Variants in RBFOX1 observed in about 807,000 individuals in gnomAD.
RBFOX1 encodes RNA binding fox-1 homolog 1.
In RBFOX1, 8 loss-of-function variants were observed where a neutral mutation model predicts 57.7. The ratio of observed to expected loss-of-function variants is 0.14; its 90% CI spans 0.08 to 0.25. RBFOX1 has a LOEUF of 0.25. Among genes scored for constraint, RBFOX1 ranks in the 10% least tolerant of loss-of-function variants. The pLI is 1.00. For missense variants in RBFOX1, 611 were observed against 548.5 expected (o/e 1.11, Z -1.14); for synonymous variants, 326 against 222.4 (o/e 1.47, Z -4.15).
intron 4 of RBFOX1, among the ~76,000 whole-genome samples, chr16:7,163,029 T>A (rs1284294390): frequency 6.6e-6 from 1 of 152,230 alleles, no homozygotes; most frequent in African/African-American, 2.4e-5. Flanking sequence ...CTTTGTATGA[T>A]GTCTAAGGTC....
At chr16:7,691,717 C>A (rs911807826) in intron 14 of RBFOX1, among the ~76,000 whole-genome samples, 1 of 152,110 alleles carries the variant, frequency 6.6e-6, no homozygotes, top group African/African-American at 2.4e-5. Context: ...ATGTCTAGCA[C>A]ATTGGACAGT....
At chr16:6,555,715 AAAAC>A (rs562905551) in intron 2 of RBFOX1, among the ~76,000 whole-genome samples, 28 of 152,136 alleles carry the variant, frequency 1.8e-4, no homozygotes, top group Admixed American at 5.9e-4. Context: ...AAAACAAAAC[AAAAC>A]AAACAAACAA....
At chr16:6,713,554 C>G (rs570596435) in intron 3 of RBFOX1, among the ~76,000 whole-genome samples, 1 of 152,054 alleles carries the variant, frequency 6.6e-6, no homozygotes, top group South Asian at 2.1e-4. Flanking sequence ...CCAGTTGAGA[C>G]AACCACAAAT....
chr16:5,488,676 G>C (rs2042727522), intron 2 of RBFOX1, among the ~76,000 whole-genome samples: 1 of 150,504 alleles, frequency 6.6e-6, no homozygotes, highest in Admixed American at 6.6e-5. Context: ...GATGGTGATG[G>C]AAGGTGACGG....
At chr16:6,492,383 C>G (rs1411656384) in intron 2 of RBFOX1, among the ~76,000 whole-genome samples, 3 of 152,130 alleles carry the variant, frequency 2.0e-5, no homozygotes, top group East Asian at 1.9e-4. Flanking sequence ...GCCTGGCCAA[C>G]ATAGTGGAAC....
At position 6,925,956 on chromosome 16, in the gene RBFOX1, G is replaced by A. The variant is rs543235539; in HGVS notation, c.-15-126101G>A. ...TTTATTTTAGTAACCTAAACTCATCGTTAAGTCTGTAGTCCTGGAAACCAT... is the reference window on the plus strand; with the variant it reads ...TTTATTTTAGTAACCTAAACTCATCATTAAGTCTGTAGTCCTGGAAACCAT... On this transcript the variant is annotated intron_variant, in intron 3 of 15. Coordinates refer to ENST00000550418, the MANE Select transcript of RBFOX1 (RefSeq NM_018723.4). 3.3e-5 allele frequency among the ~76,000 whole-genome samples: 5 copies of A among 151,620 alleles called. No homozygotes were observed. In the East Asian group the frequency reaches 5.8e-4, roughly 18 times the overall value.
At chr16:7,377,611 T>G (rs1403710930) in intron 4 of RBFOX1, among the ~76,000 whole-genome samples, 6 of 152,244 alleles carry the variant, frequency 3.9e-5, no homozygotes, top group Non-Finnish European at 8.8e-5. Flanking sequence ...TTTATCAGTA[T>G]AACTTTATAG....
chr16:7,628,423 A>G (rs1156998303), intron 10 of RBFOX1, among the ~76,000 whole-genome samples: 1 of 152,126 alleles, frequency 6.6e-6, no homozygotes, highest in Non-Finnish European at 1.5e-5. Context: ...ACTCATTGAT[A>G]AACACCACTG....
intron 2 of RBFOX1, among the ~76,000 whole-genome samples, chr16:5,586,927 G>A (rs2046850237): frequency 6.6e-6 from 1 of 152,194 alleles, no homozygotes; most frequent in Non-Finnish European, 1.5e-5. Flanking sequence ...GCACTTAGCA[G>A]GTTCTTAAAT....
At chr16:5,697,179 C>T (rs57508319) in intron 3 of RBFOX1, among the ~76,000 whole-genome samples, 36,112 of 151,970 alleles carry the variant, frequency 0.24, 5,324 homozygotes, top group East Asian at 0.66. Context: ...TATTATCCAG[C>T]AATCTTGCTA....
At chr16:6,660,172 T>C (rs1358254049) in intron 3 of RBFOX1, among the ~76,000 whole-genome samples, 1 of 150,402 alleles carries the variant, frequency 6.6e-6, no homozygotes, top group Non-Finnish European at 1.5e-5. Flanking sequence ...TGCAGTGAGC[T>C]GAGATCTCGC....
chr16:6,846,679 C>G (rs1366206659), intron 3 of RBFOX1, among the ~76,000 whole-genome samples: 2 of 152,166 alleles, frequency 1.3e-5, no homozygotes, highest in Non-Finnish European at 2.9e-5. Flanking sequence ...AATAAAATTT[C>G]ATGAATGGTA....
rs557742870 is a variant in RBFOX1, at chr16:7,134,409, C to T, written c.27+82311C>T. Reference sequence around the variant, plus strand: ...GGATTTATAGTGATGGTGATTACTTCTTCAGGCATTGAGGATGTGATGCAT... The same window carrying T: ...GGATTTATAGTGATGGTGATTACTTTTTCAGGCATTGAGGATGTGATGCAT... On this transcript the variant is annotated intron_variant, in intron 4 of 15. Transcript: ENST00000550418. 9.8e-5 allele frequency among the ~76,000 whole-genome samples: 15 copies of T among 152,288 alleles called. No individual in the cohort carries two copies. In the East Asian group the frequency reaches 2.9e-3, roughly 29 times the overall value.
intron 4 of RBFOX1, among the ~76,000 whole-genome samples, chr16:7,464,180 C>G (rs1231786282): frequency 6.6e-6 from 1 of 152,150 alleles, no homozygotes; most frequent in East Asian, 1.9e-4. Flanking sequence ...CCATTACAGA[C>G]CACTCCAAGA....
Position 6,077,689 on chromosome 16 carries a change from C to CTTATTTAT in RBFOX1, c.-127+57711_-127+57718dup, listed in dbSNP as rs71142676. On this transcript the variant is annotated intron_variant, in intron 1 of 15. Transcript: ENST00000550418. ...TCAACCTTGCCTTCTTTTATTTTTA[C>CTTATTTAT]TTATTTATTTATTTATTTATTCATT... 9.6e-3 allele frequency among the ~76,000 whole-genome samples: 1,438 copies of CTTATTTAT among 150,450 alleles called. 14 individuals carry two copies. Among genetic ancestry groups the CTTATTTAT allele is most frequent in the Middle Eastern group, 0.021 (6 of 292 alleles).
Position 6,896,094 on chromosome 16 carries a change from G to A in RBFOX1, c.-15-155963G>A, listed in dbSNP as rs571417415. Among the ~76,000 whole-genome samples, 22 of 152,196 alleles carry A rather than the reference G, an allele frequency of 1.4e-4. No homozygotes were observed. The South Asian group carries it at 4.4e-3, about 30-fold the overall frequency. ...TTGGGACCAACCTGGCCAACATGGT[G>A]AAACCCCATCTCTATTAAAACTACA... On this transcript the variant is annotated intron_variant, in intron 3 of 15. Transcript: ENST00000550418.
At position 7,013,272 on chromosome 16, in the gene RBFOX1, G is replaced by A. The variant is rs1422127286; in HGVS notation, c.-15-38785G>A. Among the ~76,000 whole-genome samples, 6 of 152,308 alleles carry A rather than the reference G, an allele frequency of 3.9e-5. No homozygotes were observed. The South Asian group carries it at 1.0e-3, about 26-fold the overall frequency. ...TAGTCCCTACTCACATAGGACTGCT[G>A]AGGTAATTCAATGAAGTAAGGTATG... On this transcript the variant is annotated intron_variant, in intron 3 of 15. Coordinates refer to ENST00000550418, the MANE Select transcript of RBFOX1 (RefSeq NM_018723.4).
At chr16:6,972,364 G>A (rs528565925) in intron 3 of RBFOX1, among the ~76,000 whole-genome samples, 8 of 151,902 alleles carry the variant, frequency 5.3e-5, no homozygotes, top group Non-Finnish European at 1.0e-4. Flanking sequence ...TTTCGTGACT[G>A]GCTTATATCA....
intron 4 of RBFOX1, among the ~76,000 whole-genome samples, chr16:7,390,585 T>A (rs918379679): frequency 6.6e-6 from 1 of 152,228 alleles, no homozygotes; most frequent in East Asian, 1.9e-4. Context: ...TATGCAAGTA[T>A]AAGGTGCTAT....
Sources: allele counts gnomAD v4.1 joint callset (sites outside exome capture counted in the v4.1 genomes callset), GRCh38; gene constraint gnomAD v4.1.1; transcripts MANE v1.5; gene names NCBI Gene and HGNC (gene_info 2026-07-23, HGNC 2026-07-21).